CPED1: variants seen among roughly 807,000 people sequenced by gnomAD.
The protein encoded by CPED1 is cadherin like and PC-esterase domain containing 1.
CPED1 carries 114 observed loss-of-function variants against 128.2 expected under a neutral mutation model. That is an observed-to-expected ratio of 0.89 (90% confidence interval 0.76 to 1.04). The LOEUF (loss-of-function observed/expected upper bound fraction) is 1.04, where lower values mean the gene tolerates loss of function less well. Among genes scored for constraint, CPED1 ranks in the 50% least tolerant of loss-of-function variants. The pLI is 0.00. For synonymous variants in CPED1, 462 were observed against 426.7 expected (o/e 1.08, Z -1.02); for missense variants, 1,211 against 1,207.1 (o/e 1.00, Z -0.05).
At chr7:121,262,029 A>T (rs752336633) in intron 18 of CPED1, 3 of 323,404 alleles carry the variant, frequency 9.3e-6, no homozygotes, top group Non-Finnish European at 1.7e-5. Flanking sequence ...TGGATCCTTC[A>T]TGAATAGCTT....
In CPED1 at chr7:121,241,476, A is replaced by C. The variant is rs189984873; in HGVS notation, c.2174-2726A>C. Among the ~76,000 whole-genome samples the C allele has an allele frequency of 1.3e-4, 20 of 151,526 alleles. No homozygotes were observed. In the South Asian group the frequency reaches 1.9e-3, roughly 14 times the overall value. ...ATTCAAAAACCAGCATCTCTCCTAA[A>C]TTTTCTGTTGTTTCTTTTAGCAGTA... On this transcript the variant is annotated intron_variant, in intron 17 of 22. Coordinates refer to ENST00000310396, the MANE Select transcript of CPED1 (RefSeq NM_024913.5).
intron 3 of CPED1, among the ~76,000 whole-genome samples, chr7:121,038,179 T>C (rs972564422): frequency 2.0e-5 from 3 of 151,822 alleles, no homozygotes; most frequent in African/African-American, 7.3e-5. Flanking sequence ...CTATATTGAA[T>C]AGAAGTGGTG....
intron 16 of CPED1, among the ~76,000 whole-genome samples, chr7:121,225,797 G>A (rs1797993759): frequency 6.6e-6 from 1 of 151,972 alleles, no homozygotes; most frequent in South Asian, 2.1e-4. Context: ...TATGCATCAC[G>A]AAGTTCTCAT....
chr7:121,272,401 T>A (rs748210554), intron 22 of CPED1, among the ~76,000 whole-genome samples: 3 of 151,922 alleles, frequency 2.0e-5, no homozygotes, highest in Non-Finnish European at 4.4e-5. Flanking sequence ...TTTTGAGTGA[T>A]TTTACGAATT....
intron 18 of CPED1, among the ~76,000 whole-genome samples, chr7:121,264,923 A>G (rs1039973098): frequency 9.2e-5 from 14 of 152,102 alleles, no homozygotes; most frequent in Non-Finnish European, 4.4e-5. Flanking sequence ...ATTTCTTGAT[A>G]GGCTATGAGA....
chr7:121,291,620 G>A (rs1045473056), intron 22 of CPED1, among the ~76,000 whole-genome samples: 1 of 152,074 alleles, frequency 6.6e-6, no homozygotes, highest in Admixed American at 6.5e-5. Context: ...TTGGTGTATA[G>A]GAATGCTTGT....
At chr7:121,067,042 G>A (rs1335943469) in intron 5 of CPED1, among the ~76,000 whole-genome samples, 1 of 151,986 alleles carries the variant, frequency 6.6e-6, no homozygotes, top group African/African-American at 2.4e-5. Flanking sequence ...ATGGATTTTA[G>A]TATCCATGGC....
intron 22 of CPED1, among the ~76,000 whole-genome samples, chr7:121,279,891 C>T (rs1278189401): frequency 6.6e-6 from 1 of 152,140 alleles, no homozygotes; most frequent in Non-Finnish European, 1.5e-5. Context: ...CCCTAGACCT[C>T]CTAGCATTCC....
chr7:121,244,451 T>A, intron 18 of CPED1, 113 bp downstream of exon 18: 1 of 1,076,494 alleles, frequency 9.3e-7, no homozygotes, highest in Non-Finnish European at 1.4e-6. Flanking sequence ...AGAGGAAAAC[T>A]AACTGAATGC....
intron 2 of CPED1, among the ~76,000 whole-genome samples, chr7:121,009,051 A>G (rs1217496066): frequency 3.9e-5 from 6 of 151,980 alleles, no homozygotes; most frequent in Non-Finnish European, 1.5e-5. Flanking sequence ...ACAGCATGCT[A>G]TGCCTCCTGA....
chr7:121,067,281 C>T (rs973864947), intron 5 of CPED1, among the ~76,000 whole-genome samples: 2 of 151,352 alleles, frequency 1.3e-5, no homozygotes, highest in African/African-American at 4.9e-5. Context: ...CACCCCACAA[C>T]AGGCCCTGGT....
chr7:121,025,301 C>G (rs1243156912), intron 3 of CPED1, among the ~76,000 whole-genome samples: 2 of 151,996 alleles, frequency 1.3e-5, no homozygotes, highest in Non-Finnish European at 2.9e-5. Flanking sequence ...GACTTTCACC[C>G]CCACCTATCT....
chr7:121,070,848 C>T (rs1350954652), intron 5 of CPED1, among the ~76,000 whole-genome samples: 1 of 152,114 alleles, frequency 6.6e-6, no homozygotes, highest in Non-Finnish European at 1.5e-5. Flanking sequence ...TTCCTCCCAC[C>T]AGTTCGTAAA....
At chr7:121,116,886 C>T (rs953086166) in intron 7 of CPED1, among the ~76,000 whole-genome samples, 1 of 150,270 alleles carries the variant, frequency 6.7e-6, no homozygotes, top group Admixed American at 6.7e-5. Flanking sequence ...ACAGTGTCTG[C>T]CACATAGTGT....
chr7:121,065,428 T>C (rs1203667782), intron 5 of CPED1, among the ~76,000 whole-genome samples: 1 of 152,118 alleles, frequency 6.6e-6, no homozygotes, highest in Non-Finnish European at 1.5e-5. Context: ...ATAAAATAAT[T>C]ATTTTCGTTA....
At chr7:121,236,564 C>T (rs1200995382) in intron 16 of CPED1, 150 bp from the exon 17 acceptor site, 1 of 448,214 alleles carries the variant, frequency 2.2e-6, no homozygotes, top group East Asian at 3.4e-5. Context: ...GCACAAACAA[C>T]TATTGATAAG....
chr7:121,228,995 G>GA (rs1798079860), intron 16 of CPED1, among the ~76,000 whole-genome samples: 2 of 152,052 alleles, frequency 1.3e-5, no homozygotes, highest in South Asian at 4.2e-4. Flanking sequence ...TGGGGGTAAG[G>GA]AGGGAGGATG....
intron 18 of CPED1, among the ~76,000 whole-genome samples, chr7:121,248,368 A>G (rs1798587460): frequency 6.6e-6 from 1 of 152,166 alleles, no homozygotes; most frequent in South Asian, 2.1e-4. Context: ...ACACAGTACC[A>G]GTGATTAAAG....
At chr7:121,036,571 T>C (rs898889401) in intron 3 of CPED1, among the ~76,000 whole-genome samples, 1 of 151,496 alleles carries the variant, frequency 6.6e-6, no homozygotes, top group Non-Finnish European at 1.5e-5. Flanking sequence ...TCTACATTTT[T>C]GAAATTGCAA....
Sources: allele counts gnomAD v4.1 joint callset (sites outside exome capture counted in the v4.1 genomes callset), GRCh38; gene constraint gnomAD v4.1.1; transcripts MANE v1.5; gene names NCBI Gene and HGNC (gene_info 2026-07-23, HGNC 2026-07-21).